IQSEC1: variants seen among roughly 807,000 people sequenced by gnomAD.
The protein encoded by IQSEC1 is IQ motif and Sec7 domain ArfGEF 1.
In IQSEC1, 31 loss-of-function variants were observed where a neutral mutation model predicts 91.0. The ratio of observed to expected loss-of-function variants is 0.34; its 90% CI spans 0.26 to 0.46. The LOEUF is 0.46. Among genes scored for constraint, IQSEC1 ranks in the 20% least tolerant of loss-of-function variants. The pLI, the probability that IQSEC1 is intolerant of heterozygous loss-of-function variation, is 1.00. For missense variants in IQSEC1, 1,388 were observed against 1,575.6 expected, an observed-to-expected ratio of 0.88 and a Z score of 2.02; for synonymous variants, 699 against 662.6, an observed-to-expected ratio of 1.05 and a Z score of -0.84.
At chr3:13,171,958 G>A (rs1693624227) in intron 1 of IQSEC1, among the ~76,000 whole-genome samples, 1 of 152,144 alleles carries the variant, frequency 6.6e-6, no homozygotes, top group Non-Finnish European at 1.5e-5. Context: ...CCGGCACCTG[G>A]ACAAGAGCAC....
At chr3:13,223,681 G>A (rs772928383) in intron 1 of IQSEC1, among the ~76,000 whole-genome samples, 15 of 152,230 alleles carry the variant, frequency 9.9e-5, no homozygotes, top group African/African-American at 1.4e-4. Flanking sequence ...ACACACTGGG[G>A]ACATGCAGGG....
chr3:12,899,880 A>T lies in IQSEC1; in HGVS notation c.*1103T>A. The T allele has an allele frequency of 1.0e-6, 1 of 985,004 alleles. No homozygotes were observed. The highest frequency in any genetic ancestry group is 1.7e-5 in the African/African-American group (1 of 57,194). 61.0% of individuals were successfully genotyped at this position (985,004 alleles called of 1,614,324 possible). A position where few individuals can be genotyped will look rare whatever the true frequency, so the allele number is the denominator to read the frequency against. On this transcript the variant is annotated 3_prime_UTR_variant, in exon 14 of 14. Coordinates refer to ENST00000613206, the MANE Select transcript of IQSEC1 (RefSeq NM_001134382.3). Reference sequence around the variant, plus strand: ...ACGAGGATGAGAGCTGGTCACTTTCATGTTGGAGATGAACACTTCTGCCGT... The same window carrying T: ...ACGAGGATGAGAGCTGGTCACTTTCTTGTTGGAGATGAACACTTCTGCCGT...
intron 2 of IQSEC1, among the ~76,000 whole-genome samples, chr3:13,142,120 T>C (rs910583184): frequency 1.3e-5 from 2 of 152,208 alleles, no homozygotes; most frequent in Non-Finnish European, 1.5e-5. Flanking sequence ...ATCCCCTCCA[T>C]GGGTGCCTTG....
chr3:13,259,663 C>T lies in IQSEC1; in HGVS notation c.272+23048G>A, dbSNP rs1044339345. On this transcript the variant is annotated intron_variant, in intron 1 of 15. Transcript: ENST00000648114. This position sits in a 1 kb window ranked among gnomAD's most constrained non-coding sequence, Gnocchi z 4.6. Reference sequence around the variant, plus strand: ...TTGCCATTCAAAACCAGCAGCTCCACAACCATCTCCTTGGGTCCATGGGGT... The same window carrying T: ...TTGCCATTCAAAACCAGCAGCTCCATAACCATCTCCTTGGGTCCATGGGGT... Among the ~76,000 whole-genome samples, 7 of 152,358 alleles carry T rather than the reference C, an allele frequency of 4.6e-5. No homozygotes were observed. Among genetic ancestry groups the T allele is most frequent in the Non-Finnish European group, 1.0e-4 (7 of 68,032 alleles).
chr3:13,275,293 C>A (rs1695657932), intron 1 of IQSEC1, among the ~76,000 whole-genome samples: 1 of 152,158 alleles, frequency 6.6e-6, no homozygotes, highest in African/African-American at 2.4e-5. Context: ...CTTTGTGGAT[C>A]TCGCCTCATC....
chr3:13,243,090 G>A (rs920751145), intron 1 of IQSEC1, among the ~76,000 whole-genome samples: 1 of 152,178 alleles, frequency 6.6e-6, no homozygotes, highest in Non-Finnish European at 1.5e-5. Context: ...CAGTCTCATG[G>A]CTGTGAGAAC....
At chr3:13,274,806 G>C (rs919864621) in intron 1 of IQSEC1, among the ~76,000 whole-genome samples, 3 of 152,224 alleles carry the variant, frequency 2.0e-5, no homozygotes, top group African/African-American at 7.2e-5. Flanking sequence ...TGCCAGCTGG[G>C]TGCAACCACT....
At position 12,967,569 on chromosome 3, in the gene IQSEC1, C is replaced by G; in HGVS notation, c.24-25704G>C. 1 of 1,331,588 alleles carries G rather than the reference C, an allele frequency of 7.5e-7. No homozygotes were observed. The highest frequency in any genetic ancestry group is 9.5e-7 in the Non-Finnish European group (1 of 1,048,262). The allele number at this position is 1,331,588 out of a possible 1,614,324, so 82.5% of individuals were successfully genotyped here. A position where few individuals can be genotyped will look rare whatever the true frequency, so the allele number is the denominator to read the frequency against. ...GCCGACACCCGGCCACCCGGAGACC[C>G]GACCACCCGCCACGCGATCACGTCG... On this transcript the variant is annotated intron_variant, in intron 1 of 13. Transcript: ENST00000613206. The surrounding 1 kb of genome is among the most constrained non-coding windows in gnomAD (Gnocchi z 5.9).
chr3:13,219,531 G>A (rs1189339592), intron 1 of IQSEC1, among the ~76,000 whole-genome samples: 1 of 152,262 alleles, frequency 6.6e-6, no homozygotes, highest in Non-Finnish European at 1.5e-5. Context: ...CTCGCAGAGC[G>A]CTGCCTCATT....
Position 12,924,619 on chromosome 3 carries a change from C to T in IQSEC1, c.1692G>A (p.Leu564=). Residue 564 remains leucine, a synonymous_variant, in exon 4 of 14, where the codon CTG becomes CTA. Transcript: ENST00000613206. This position sits in a 1 kb window ranked among gnomAD's most constrained non-coding sequence, Gnocchi z 6.3. ...GLSRQMIGEF[L]GNRQKQFNRD... is the part of the protein sequence containing the mutation. ...GGTTGAACTGCTTCTGCCGGTTGCC[C>T]AGGAACTCGCCGATCATCTGCCGGC... is the stretch of plus-strand genomic sequence containing the variant. 1 of 1,610,356 alleles carries T rather than the reference C, an allele frequency of 6.2e-7. No homozygotes were observed. Among genetic ancestry groups the T allele is most frequent in the Non-Finnish European group, 8.5e-7 (1 of 1,177,946 alleles).
chr3:13,145,545 C>T (rs1245547356), intron 2 of IQSEC1, among the ~76,000 whole-genome samples: 1 of 152,042 alleles, frequency 6.6e-6, no homozygotes, highest in Non-Finnish European at 1.5e-5. Context: ...CTGGCACAAG[C>T]CCCTGCCCCA....
In IQSEC1 at chr3:13,211,335, T is replaced by C. The variant is rs967488064; in HGVS notation, c.273-47202A>G. ...TCCTGTTGCTCCTGAACCCAGGACT[T>C]CTAATAGCGTGCCCATGAAATTTAC... On this transcript the variant is annotated intron_variant, in intron 1 of 15. Transcript: ENST00000648114. This position sits in a 1 kb window ranked among gnomAD's most constrained non-coding sequence, Gnocchi z 5.3. Among the ~76,000 whole-genome samples the C allele has an allele frequency of 3.9e-5, 6 of 152,212 alleles. No homozygotes were observed. Among genetic ancestry groups the C allele is most frequent in the Non-Finnish European group, 7.3e-5 (5 of 68,030 alleles).
At chr3:13,179,366 C>A (rs1693793612) in intron 1 of IQSEC1, among the ~76,000 whole-genome samples, 2 of 152,104 alleles carry the variant, frequency 1.3e-5, no homozygotes, top group Admixed American at 6.5e-5. Flanking sequence ...TATAGAAAAA[C>A]AAAAGATGAG....
chr3:12,986,989 G>A (rs1559700775), intron 1 of IQSEC1: 1 of 443,104 alleles, frequency 2.3e-6, no homozygotes, highest in African/African-American at 2.0e-5. Context: ...AGTGCTGTGG[G>A]TGGGGGCCTC....
intron 2 of IQSEC1, among the ~76,000 whole-genome samples, chr3:13,084,538 G>A (rs1298127300): frequency 2.6e-5 from 4 of 152,172 alleles, no homozygotes; most frequent in African/African-American, 7.2e-5. Flanking sequence ...TGGAGGAGAC[G>A]GACATCAGAT....
chr3:13,127,484 T>A (rs1340376990), intron 2 of IQSEC1, among the ~76,000 whole-genome samples: 1 of 152,204 alleles, frequency 6.6e-6, no homozygotes. Context: ...TTGATTCATG[T>A]ATCTGTCCCT....
In IQSEC1 at chr3:13,010,253, T is replaced by C. The variant is rs533873473; in HGVS notation, c.23+62739A>G. On this transcript the variant is annotated intron_variant, in intron 1 of 13. Transcript: ENST00000613206. ...GTTTCTGCCTGACCAGCCTCCATTC[T>C]CACTTCCGGTAAGACACCCCAATTT... 8.1e-4 allele frequency among the ~76,000 whole-genome samples: 123 copies of C among 152,296 alleles called. 1 individual carries two copies. The highest frequency in any genetic ancestry group is 2.7e-3 in the African/African-American group (112 of 41,538).
intron 1 of IQSEC1, among the ~76,000 whole-genome samples, chr3:13,016,623 G>A (rs911164841): frequency 6.6e-6 from 1 of 152,050 alleles, no homozygotes; most frequent in African/African-American, 2.4e-5. Flanking sequence ...CAGACCTCAG[G>A]GTCCTTACAC....
At chr3:13,274,933 G>A (rs908335523) in intron 1 of IQSEC1, among the ~76,000 whole-genome samples, 3 of 151,902 alleles carry the variant, frequency 2.0e-5, no homozygotes, top group South Asian at 4.2e-4. Flanking sequence ...ATTTGGAAAC[G>A]GCCCCCAATG....
Sources: gnomAD v4.1 joint callset for allele counts (sites outside exome capture counted in the v4.1 genomes callset) on GRCh38, gnomAD v4.1.1 for gene constraint, Gnocchi (gnomAD v3.1) non-coding constraint, MANE v1.5 for transcripts, NCBI Gene and HGNC (gene_info 2026-07-23, HGNC 2026-07-21) for gene names.